CFAP44: variants seen among roughly 807,000 people sequenced by gnomAD.
CFAP44 encodes cilia- and flagella-associated protein 44.
In CFAP44, 134 loss-of-function variants were observed where a neutral mutation model predicts 216.2. The ratio of observed to expected loss-of-function variants is 0.62; its 90% CI spans 0.54 to 0.72. CFAP44 has a LOEUF of 0.72. CFAP44 is among the 30% of genes least tolerant of loss of function. CFAP44 has a pLI of 0.00. For synonymous variants in CFAP44, 700 were observed against 727.6 expected (o/e 0.96, Z 0.61); for missense variants, 2,035 against 2,182.1 (o/e 0.93, Z 1.34).
At chr3:113,333,609 CA>C (rs778229858) in intron 24 of CFAP44, 26 bp from the exon 25 acceptor site, 47 of 1,482,656 alleles carry the variant, frequency 3.2e-5, no homozygotes, top group East Asian at 1.0e-4. Context: ...ACAACCCCCC[CA>C]CACACAAATA....
intron 13 of CFAP44, 56 bp downstream of exon 13, chr3:113,399,850 T>A: frequency 8.3e-7 from 1 of 1,199,270 alleles, no homozygotes; most frequent in Non-Finnish European, 1.2e-6. Context: ...GAAAATAGCA[T>A]TGATATACCA....
At position 113,425,063 on chromosome 3, in the gene CFAP44, A is replaced by C. The variant is rs1934923527; in HGVS notation, c.407+1061T>G. On this transcript the variant is annotated intron_variant, in intron 4 of 34. Transcript: ENST00000393845. Reference sequence around the variant, plus strand: ...TCCCATTTGGGAAAAAAAGGCTAAAAGAAAGCAAACAGCATAACTTTTGTC... The same window carrying C: ...TCCCATTTGGGAAAAAAAGGCTAAACGAAAGCAAACAGCATAACTTTTGTC... Among the ~76,000 whole-genome samples, 5 of 152,358 alleles carry C rather than the reference A, an allele frequency of 3.3e-5. No homozygotes were observed. The South Asian group carries it at 1.0e-3, about 32-fold the overall frequency.
At chr3:113,389,830 C>A (rs1298394367) in intron 15 of CFAP44, among the ~76,000 whole-genome samples, 1 of 151,934 alleles carries the variant, frequency 6.6e-6, no homozygotes, top group African/African-American at 2.4e-5. Flanking sequence ...GTGAACAGAC[C>A]AATTATGAGT....
At chr3:113,394,797 G>A (rs1358385048) in intron 15 of CFAP44, among the ~76,000 whole-genome samples, 2 of 152,144 alleles carry the variant, frequency 1.3e-5, no homozygotes, top group African/African-American at 4.8e-5. Context: ...CTCATTCAAA[G>A]CCCACATGCA....
intron 1 of CFAP44, among the ~76,000 whole-genome samples, chr3:113,440,580 CCTCA>C (rs891612550): frequency 7.9e-5 from 12 of 152,268 alleles, no homozygotes; most frequent in Admixed American, 5.9e-4. Context: ...TAGTTCCAGT[CCTCA>C]CTGTGTCTCA....
intron 3 of CFAP44, chr3:113,426,828 G>C (rs576396245): frequency 2.3e-5 from 5 of 221,794 alleles, no homozygotes; most frequent in Middle Eastern, 1.6e-3. Flanking sequence ...TTATGCCCAC[G>C]TGCATCAGGA....
intron 22 of CFAP44, among the ~76,000 whole-genome samples, chr3:113,352,751 C>T (rs1950456952): frequency 6.6e-6 from 1 of 151,998 alleles, no homozygotes; most frequent in African/African-American, 2.4e-5. Context: ...TGTAAATGAA[C>T]CACAGGCATA....
At position 113,333,602 on chromosome 3, in the gene CFAP44, AC is replaced by A. The variant is rs148985133; in HGVS notation, c.3438-20del. 8.1e-6 allele frequency: 12 copies of A among 1,484,058 alleles called. No homozygotes were observed. In the South Asian group the frequency reaches 8.1e-5, roughly 10 times the overall value. 91.9% of individuals were successfully genotyped at this position (1,484,058 alleles called of 1,614,324 possible). On this transcript the variant is annotated intron_variant, in intron 24 of 34. Transcript: ENST00000393845. ...CTTGTATCTATTAGAAAAACAGACA[AC>A]CCCCCCACACACAAATATGACAATA... is the stretch of plus-strand genomic sequence containing the variant.
intron 24 of CFAP44, among the ~76,000 whole-genome samples, chr3:113,337,533 T>C (rs1950291193): frequency 2.6e-5 from 4 of 152,210 alleles, no homozygotes; most frequent in Admixed American, 2.0e-4. Context: ...GGAATCACTC[T>C]ACTGGATTTC....
chr3:113,400,058 G>A, intron 12 of CFAP44, 58 bp from the exon 13 acceptor site: 1 of 1,179,200 alleles, frequency 8.5e-7, no homozygotes, highest in Non-Finnish European at 1.2e-6. Context: ...TTTAAGTCTT[G>A]GCTCACTTTT....
In CFAP44 at chr3:113,392,903, CTT is replaced by C. The variant is rs1292171686; in HGVS notation, c.1890+2845_1890+2846del. Among the ~76,000 whole-genome samples, 13 of 152,324 alleles carry C rather than the reference CTT, an allele frequency of 8.5e-5. No homozygotes were observed. In the East Asian group the frequency reaches 2.5e-3, roughly 29 times the overall value. ...TGTCAATTCTCTCTTCTAAATATCT[CTT>C]GTCTGCACAGTCTTTCATGCTCTAG... On this transcript the variant is annotated intron_variant, in intron 15 of 34. Transcript: ENST00000393845.
intron 5 of CFAP44, among the ~76,000 whole-genome samples, chr3:113,417,554 T>C (rs1934682164): frequency 1.3e-5 from 2 of 152,214 alleles, no homozygotes; most frequent in South Asian, 4.1e-4. Flanking sequence ...CAGATATTAT[T>C]TCACATCCCC....
chr3:113,426,090 C>A, intron 4 of CFAP44, 34 bp downstream of exon 4: 1 of 1,602,138 alleles, frequency 6.2e-7, no homozygotes, highest in South Asian at 1.1e-5. Context: ...AAATGAAAAT[C>A]CCAAAATTAT....
At chr3:113,319,880 G>T (rs1295679663) in intron 28 of CFAP44, among the ~76,000 whole-genome samples, 1 of 151,976 alleles carries the variant, frequency 6.6e-6, no homozygotes, top group African/African-American at 2.4e-5. Flanking sequence ...AAATGACAAA[G>T]ATGGCATTAC....
chr3:113,355,469 G>A (rs149600253), intron 22 of CFAP44, among the ~76,000 whole-genome samples: 2,749 of 152,252 alleles, frequency 0.018, 79 homozygotes, highest in African/African-American at 0.062. Flanking sequence ...GCAGTGAGCC[G>A]TGATCACGCC....
At chr3:113,344,347 C>T (rs1225799450) in intron 23 of CFAP44, among the ~76,000 whole-genome samples, 169 bp downstream of exon 23, 1 of 151,976 alleles carries the variant, frequency 6.6e-6, no homozygotes, top group Non-Finnish European at 1.5e-5. Flanking sequence ...CTATACCATA[C>T]ACTTTTGTCT....
At chr3:113,412,496 T>C (rs1389041710) in intron 6 of CFAP44, among the ~76,000 whole-genome samples, 2 of 151,978 alleles carry the variant, frequency 1.3e-5, no homozygotes, top group Non-Finnish European at 1.5e-5. Flanking sequence ...GCTGCACCTA[T>C]TGACCTGTCC....
intron 4 of CFAP44, among the ~76,000 whole-genome samples, chr3:113,421,894 T>C (rs1038730988): frequency 5.3e-5 from 8 of 152,088 alleles, no homozygotes; most frequent in Non-Finnish European, 8.8e-5. Flanking sequence ...CTATGTTCAC[T>C]ATGTGGGTGA....
intron 7 of CFAP44, among the ~76,000 whole-genome samples, chr3:113,407,317 A>G (rs1041023745): frequency 2.6e-5 from 4 of 152,220 alleles, no homozygotes; most frequent in African/African-American, 7.2e-5. Flanking sequence ...CCCTCCAGCT[A>G]TGTGTGACTA....
Sources: gnomAD v4.1 joint callset for allele counts (sites outside exome capture counted in the v4.1 genomes callset) on GRCh38, gnomAD v4.1.1 for gene constraint, MANE v1.5 for transcripts, NCBI Gene and HGNC (gene_info 2026-07-23, HGNC 2026-07-21) for gene names.